Variants in TBC1D14 observed in about 807,000 individuals in gnomAD.
TBC1D14 encodes TBC1 domain family member 14.
In TBC1D14, 26 loss-of-function variants were observed where a neutral mutation model predicts 79.0. The observed-to-expected ratio is 0.33, with a 90% CI of 0.24 to 0.46. The LOEUF is 0.46. Ranked by LOEUF, TBC1D14 falls within the 20% of genes least tolerant of loss-of-function variation. TBC1D14 has a pLI of 1.00. For synonymous variants in TBC1D14, 394 were observed against 349.9 expected (o/e 1.13, Z -1.40); for missense variants, 769 against 887.6 (o/e 0.87, Z 1.70).
At chr4:6,916,840 G>C (rs556692035) in intron 1 of TBC1D14, among the ~76,000 whole-genome samples, 2 of 152,212 alleles carry the variant, frequency 1.3e-5, no homozygotes, top group East Asian at 1.9e-4. Flanking sequence ...CCCGTGGCAG[G>C]GTGCTGGGTC....
chr4:6,936,629 C>G (rs188504236), intron 2 of TBC1D14, among the ~76,000 whole-genome samples: 5 of 152,304 alleles, frequency 3.3e-5, no homozygotes, highest in African/African-American at 1.2e-4. Flanking sequence ...GTTTTCAGCT[C>G]CTTTGGGTAA....
chr4:7,027,932 T>TA (rs1462645473), intron 13 of TBC1D14, among the ~76,000 whole-genome samples: 1 of 117,474 alleles, frequency 8.5e-6, no homozygotes, highest in East Asian at 2.7e-4. Context: ...CCCACACAGT[T>TA]ACCCACACGC....
At chr4:6,941,662 A>G (rs1055566694) in intron 2 of TBC1D14, among the ~76,000 whole-genome samples, 1 of 152,178 alleles carries the variant, frequency 6.6e-6, no homozygotes, top group African/African-American at 2.4e-5. Context: ...TGTCCCACAG[A>G]CAAGGCAGTG....
chr4:7,016,079 G>A (rs1035492933), intron 12 of TBC1D14, among the ~76,000 whole-genome samples: 2 of 152,230 alleles, frequency 1.3e-5, no homozygotes, highest in African/African-American at 4.8e-5. Flanking sequence ...AGCTAAAGCA[G>A]CCTTGTCTGT....
At chr4:6,912,054 G>A (rs1219227204) in intron 1 of TBC1D14, among the ~76,000 whole-genome samples, 1 of 152,064 alleles carries the variant, frequency 6.6e-6, no homozygotes, top group East Asian at 1.9e-4. Flanking sequence ...TTACAGGAAC[G>A]CACCACCATG....
intron 2 of TBC1D14, chr4:6,954,302 T>C (rs1186517305): frequency 7.0e-6 from 5 of 717,386 alleles, no homozygotes; most frequent in African/African-American, 5.2e-5. Context: ...ACAGTAGACA[T>C]GATGGCCATC....
At chr4:6,954,133 C>A (rs935210568) in intron 2 of TBC1D14, 8 of 602,048 alleles carry the variant, frequency 1.3e-5, no homozygotes, top group Admixed American at 5.5e-5. Context: ...GCCTTTCCGC[C>A]GGCCTGCTGG....
intron 6 of TBC1D14, among the ~76,000 whole-genome samples, chr4:7,000,645 A>G (rs1475658021): frequency 6.6e-6 from 1 of 152,178 alleles, no homozygotes; most frequent in East Asian, 1.9e-4. Flanking sequence ...TCTTCTCCGC[A>G]GTTAGAACTT....
intron 2 of TBC1D14, among the ~76,000 whole-genome samples, chr4:6,938,020 C>G (rs1011589481): frequency 2.0e-5 from 3 of 152,064 alleles, no homozygotes; most frequent in African/African-American, 7.2e-5. Flanking sequence ...AAGTGGAGGT[C>G]TTCATTCCAC....
Position 6,924,008 on chromosome 4 carries a change from T to C in TBC1D14, c.619T>C (p.Ser207Pro), listed in dbSNP as rs773333836. 1 of 1,614,008 alleles carries C rather than the reference T, an allele frequency of 6.2e-7. No homozygotes were observed. The highest frequency in any genetic ancestry group is 1.3e-5 in the African/African-American group (1 of 74,924). ...DPQFTNVTLS[S>P]IKETRGLHQQ... ...ACAGTTTACCAACGTCACCTTGAGC[T>C]CTATCAAGGAAACCCGTGGCTTACA... Residue 207 changes from serine to proline, a missense_variant, in exon 2 of 14, where the codon TCT becomes CCT. Ser to Pro is a moderately conservative substitution (Grantham distance 74, BLOSUM62 -1). This residue lies in a region of TBC1D14 where 402 missense variants were observed against 393.2 expected (regional missense o/e 1.02). Transcript: ENST00000409757.
At chr4:7,014,424 G>A in intron 11 of TBC1D14, 24 bp from the exon 12 acceptor site, 1 of 1,527,916 alleles carries the variant, frequency 6.5e-7, no homozygotes, top group Non-Finnish European at 9.1e-7. Flanking sequence ...TAGTTTCTGA[G>A]TAAATTTCAT....
chr4:6,914,576 T>C (rs1723246610), intron 1 of TBC1D14, among the ~76,000 whole-genome samples: 1 of 152,184 alleles, frequency 6.6e-6, no homozygotes, highest in East Asian at 1.9e-4. Flanking sequence ...TAGACCGCAG[T>C]CTTCTTTCAG....
At chr4:6,922,715 A>G (rs560462415) in intron 1 of TBC1D14, among the ~76,000 whole-genome samples, 1 of 152,216 alleles carries the variant, frequency 6.6e-6, no homozygotes, top group Admixed American at 6.5e-5. Flanking sequence ...CTTTTGACAG[A>G]TTATCATTTC....
At chr4:6,944,991 T>C (rs1353383422) in intron 2 of TBC1D14, among the ~76,000 whole-genome samples, 7 of 152,218 alleles carry the variant, frequency 4.6e-5, no homozygotes, top group Non-Finnish European at 1.0e-4. Context: ...AATCCCCAGC[T>C]AACCCCAGCT....
At chr4:6,958,635 A>G (rs1342059729) in intron 2 of TBC1D14, among the ~76,000 whole-genome samples, 3 of 152,074 alleles carry the variant, frequency 2.0e-5, no homozygotes, top group Admixed American at 6.6e-5. Context: ...AGGTCTTACT[A>G]TGTTGCCCAG....
rs981723513 is a variant in TBC1D14, at chr4:7,009,820, G to A, written c.1447-57G>A. ...GCAGCAGTAGTAGTATCAGATGTTC[G>A]TCTGAGCACTAACAGTACTCATGCA... On this transcript the variant is annotated intron_variant, in intron 9 of 13. Coordinates refer to ENST00000409757, the MANE Select transcript of TBC1D14 (RefSeq NM_020773.3). 1.7e-5 allele frequency: 27 copies of A among 1,561,086 alleles called. 1 individual carries two copies. Among genetic ancestry groups the A allele is most frequent in the East Asian group, 1.3e-4 (6 of 44,574 alleles).
chr4:6,974,870 G>C (rs968658369), intron 3 of TBC1D14, among the ~76,000 whole-genome samples: 1 of 151,840 alleles, frequency 6.6e-6, no homozygotes, highest in Non-Finnish European at 1.5e-5. Context: ...AGATAGGATC[G>C]TCTTTTTTTG....
At chr4:6,947,016 G>A (rs1713535394) in intron 2 of TBC1D14, among the ~76,000 whole-genome samples, 1 of 152,032 alleles carries the variant, frequency 6.6e-6, no homozygotes, top group African/African-American at 2.4e-5. Flanking sequence ...GTACTGTTTT[G>A]TACTAAGTTA....
intron 2 of TBC1D14, among the ~76,000 whole-genome samples, chr4:6,967,050 C>T (rs796991078): frequency 3.9e-5 from 6 of 152,326 alleles, no homozygotes; most frequent in African/African-American, 1.4e-4. Flanking sequence ...ACCTCGTGAT[C>T]TGCCCACCTC....
Sources: gnomAD v4.1 joint callset for allele counts (sites outside exome capture counted in the v4.1 genomes callset) on GRCh38, gnomAD v4.1.1 for gene constraint, gnomAD v4.1.1 regional missense constraint, MANE v1.5 for transcripts, NCBI Gene and HGNC (gene_info 2026-07-23, HGNC 2026-07-21) for gene names.